Variants in MYO3B observed in about 807,000 individuals in gnomAD.
The protein encoded by MYO3B is myosin IIIB, also known as myosin-IIIb.
In MYO3B, 156 loss-of-function variants were observed where a neutral mutation model predicts 174.6. The ratio of observed to expected loss-of-function variants is 0.89; its 90% CI spans 0.78 to 1.02. The LOEUF is 1.02. Ranked by LOEUF, MYO3B falls within the 50% of genes least tolerant of loss-of-function variation. The pLI is 0.00. For synonymous variants in MYO3B, 563 were observed against 569.1 expected, an observed-to-expected ratio of 0.99 and a Z score of 0.15; for missense variants, 1,632 against 1,639.4, an observed-to-expected ratio of 1.00 and a Z score of 0.08.
chr2:170,248,112 T>A (rs2093211965), intron 7 of MYO3B, among the ~76,000 whole-genome samples: 1 of 152,226 alleles, frequency 6.6e-6, no homozygotes, highest in African/African-American at 2.4e-5. Context: ...GTGTTCATGC[T>A]GCATTACTCA....
chr2:170,251,172 A>G (rs1024018690), intron 7 of MYO3B, among the ~76,000 whole-genome samples: 1 of 151,708 alleles, frequency 6.6e-6, no homozygotes, highest in Non-Finnish European at 1.5e-5. Context: ...TCCCTTCACG[A>G]TTTACATTTA....
At chr2:170,598,576 A>G (rs1694293026) in intron 32 of MYO3B, among the ~76,000 whole-genome samples, 1 of 152,196 alleles carries the variant, frequency 6.6e-6, no homozygotes, top group African/African-American at 2.4e-5. Flanking sequence ...CAGCCTTTAT[A>G]CTAAGAACCA....
chr2:170,599,690 G>A (rs1694379511), intron 32 of MYO3B, among the ~76,000 whole-genome samples: 1 of 152,146 alleles, frequency 6.6e-6, no homozygotes, highest in South Asian at 2.1e-4. Flanking sequence ...GGAGGTTGTA[G>A]TGAGCCGAGA....
At chr2:170,627,493 C>T (rs933242488) in intron 32 of MYO3B, among the ~76,000 whole-genome samples, 11 of 152,142 alleles carry the variant, frequency 7.2e-5, no homozygotes, top group South Asian at 2.1e-4. Flanking sequence ...GCGATGGGTT[C>T]GAACTTCCTC....
chr2:170,424,383 C>T (rs1420709052), intron 22 of MYO3B, among the ~76,000 whole-genome samples: 3 of 152,110 alleles, frequency 2.0e-5, no homozygotes, highest in African/African-American at 7.2e-5. Context: ...CTTTGGGAGG[C>T]CGAGGTGCAT....
At chr2:170,295,465 G>A (rs1157971066) in intron 7 of MYO3B, among the ~76,000 whole-genome samples, 1 of 151,680 alleles carries the variant, frequency 6.6e-6, no homozygotes, top group African/African-American at 2.4e-5. Flanking sequence ...TTGATTTAAC[G>A]AGGTAAAAAG....
intron 32 of MYO3B, among the ~76,000 whole-genome samples, chr2:170,550,832 GTTCCAGACTTCTAA>G (rs1181354870): frequency 6.6e-6 from 1 of 152,112 alleles, no homozygotes; most frequent in Non-Finnish European, 1.5e-5. Context: ...GGGTGGGAGT[GTTCCAGACTTCTAA>G]ATAGTCTATA....
intron 32 of MYO3B, among the ~76,000 whole-genome samples, chr2:170,638,579 A>G (rs183929810): frequency 9.2e-5 from 14 of 152,308 alleles, no homozygotes; most frequent in African/African-American, 3.4e-4. Context: ...AGCATCTTAA[A>G]GTTGGAAGGG....
At chr2:170,568,919 T>A (rs1265946947) in intron 32 of MYO3B, among the ~76,000 whole-genome samples, 3 of 152,020 alleles carry the variant, frequency 2.0e-5, no homozygotes, top group African/African-American at 7.3e-5. Flanking sequence ...AGGGAAAAGG[T>A]CTACAAAAAA....
At chr2:170,501,734 G>A in intron 27 of MYO3B, 51 bp from the exon 28 acceptor site, 1 of 1,262,904 alleles carries the variant, frequency 7.9e-7, no homozygotes. Flanking sequence ...TCAATTCTCT[G>A]GCACGTTCTT....
At chr2:170,271,881 AG>A (rs1005928389) in intron 7 of MYO3B, among the ~76,000 whole-genome samples, 1 of 152,142 alleles carries the variant, frequency 6.6e-6, no homozygotes, top group African/African-American at 2.4e-5. Context: ...ATGTAGTCTC[AG>A]AATTTGAGGT....
chr2:170,180,505 T>G (rs2092385214), intron 1 of MYO3B, among the ~76,000 whole-genome samples: 1 of 152,208 alleles, frequency 6.6e-6, no homozygotes, highest in African/African-American at 2.4e-5. Context: ...AGCCTCTGTT[T>G]CATATGGTTT....
At chr2:170,194,141 T>C (rs1479569069) in intron 1 of MYO3B, among the ~76,000 whole-genome samples, 1 of 152,224 alleles carries the variant, frequency 6.6e-6, no homozygotes, top group East Asian at 1.9e-4. Context: ...AAGTGTCTGT[T>C]GTTGTCTTTA....
At chr2:170,489,152 A>G (rs1686265711) in intron 25 of MYO3B, among the ~76,000 whole-genome samples, 1 of 152,220 alleles carries the variant, frequency 6.6e-6, no homozygotes, top group Admixed American at 6.5e-5. Flanking sequence ...CAGATCTTCT[A>G]CTTACTAAAT....
chr2:170,469,588 T>G (rs942318857), intron 25 of MYO3B, among the ~76,000 whole-genome samples: 2 of 152,190 alleles, frequency 1.3e-5, no homozygotes, highest in African/African-American at 4.8e-5. Flanking sequence ...TTTCTGTTCC[T>G]TCACTCTCTC....
At chr2:170,640,885 T>C (rs1415632954) in intron 32 of MYO3B, 3 of 148,000 alleles carry the variant, frequency 2.0e-5, no homozygotes, top group African/African-American at 7.5e-5. Flanking sequence ...TTTAAAGACA[T>C]GTATTTAAGC....
intron 32 of MYO3B, among the ~76,000 whole-genome samples, chr2:170,612,719 T>C (rs558103734): frequency 2.6e-4 from 39 of 152,356 alleles, no homozygotes; most frequent in Non-Finnish European, 4.6e-4. Context: ...GCGCTCATTT[T>C]ACCTTACCTA....
intron 3 of MYO3B, among the ~76,000 whole-genome samples, chr2:170,201,540 T>C (rs1229118801): frequency 5.3e-5 from 8 of 152,220 alleles, no homozygotes; most frequent in Non-Finnish European, 1.5e-5. Context: ...ATTTGTTATA[T>C]TCAAATGGGA....
chr2:170,414,539 T>C (rs2094566183), intron 22 of MYO3B, among the ~76,000 whole-genome samples: 1 of 152,202 alleles, frequency 6.6e-6, no homozygotes, highest in Non-Finnish European at 1.5e-5. Context: ...ATTCTTCTTT[T>C]TCAAAATGGT....
Sources: allele counts gnomAD v4.1 joint callset (sites outside exome capture counted in the v4.1 genomes callset), GRCh38; gene constraint gnomAD v4.1.1; transcripts MANE v1.5; gene names NCBI Gene and HGNC (gene_info 2026-07-23, HGNC 2026-07-21).